Variants in RRAS2 observed in about 807,000 individuals in gnomAD.
RRAS2 encodes the protein RAS related 2, also known as ras-related protein R-Ras2.
A neutral mutation model predicts 27.6 loss-of-function variants in RRAS2; 7 were observed. The observed-to-expected ratio is 0.25, with a 90% confidence interval of 0.14 to 0.48. RRAS2 has a LOEUF of 0.48. Ranked by LOEUF, RRAS2 falls within the 20% of genes least tolerant of loss-of-function variation. The pLI, the probability that RRAS2 is intolerant of heterozygous loss-of-function variation, is 0.99. For missense variants in RRAS2, 178 were observed against 256.2 expected (o/e 0.69, Z 2.08); for synonymous variants, 86 against 90.9 (o/e 0.95, Z 0.31).
At chr11:14,287,744 G>T (rs1438497319) in intron 4 of RRAS2, among the ~76,000 whole-genome samples, 6 of 151,654 alleles carry the variant, frequency 4.0e-5, no homozygotes, top group Non-Finnish European at 8.8e-5. Flanking sequence ...TGATGGCACG[G>T]GCCTGTAATC....
intron 1 of RRAS2, among the ~76,000 whole-genome samples, chr11:14,324,504 T>A (rs1010106364): frequency 3.3e-4 from 50 of 152,060 alleles, no homozygotes; most frequent in African/African-American, 9.9e-4. Flanking sequence ...AAGGTATCAG[T>A]GCTCCCTTAA....
chr11:14,360,825 G>A (rs1257783145), upstream of RRAS2, among the ~76,000 whole-genome samples: 2 of 152,068 alleles, frequency 1.3e-5, no homozygotes, highest in Non-Finnish European at 2.9e-5. Context: ...GGAGGCTGAG[G>A]TGGGAGGATC....
chr11:14,319,968 T>A (rs1848191167), intron 1 of RRAS2, among the ~76,000 whole-genome samples: 1 of 152,158 alleles, frequency 6.6e-6, no homozygotes, highest in Non-Finnish European at 1.5e-5. Context: ...ATGTTTAAAA[T>A]GAACTAATCA....
rs1206421792 is a variant in RRAS2 at position 14,358,982 on chromosome 11, G to C, written c.-112C>G. ...GGGCTGCGGGCGAGCGGCCGGGCTG[G>C]GGTCCCGGGTACCGGGAGGCGTCTG... On this transcript the variant is annotated 5_prime_UTR_variant, in exon 1 of 6. Coordinates refer to ENST00000256196, the MANE Select transcript of RRAS2 (RefSeq NM_012250.6). This position sits in a 1 kb window ranked among gnomAD's most constrained non-coding sequence, Gnocchi z 5.1. 3 of 1,147,714 alleles carry C rather than the reference G, an allele frequency of 2.6e-6. No individual in the cohort carries two copies. The highest frequency in any genetic ancestry group is 3.2e-6 in the Non-Finnish European group (3 of 934,894). The allele number at this position is 1,147,714 out of a possible 1,614,324, so 71.1% of individuals were successfully genotyped here.
chr11:14,315,440 T>G (rs1347361112), intron 1 of RRAS2, among the ~76,000 whole-genome samples: 1 of 152,148 alleles, frequency 6.6e-6, no homozygotes, highest in Non-Finnish European at 1.5e-5. Flanking sequence ...TTCAAAATAG[T>G]TGGGTCATCA....
Position 14,358,751 on chromosome 11 carries a change from C to T in RRAS2, c.108+12G>A. On this transcript the variant is annotated intron_variant, in intron 1 of 5. Transcript: ENST00000256196. The surrounding 1 kb of genome is among the most constrained non-coding windows in gnomAD (Gnocchi z 5.1). ...GCCGCTCCGGCGCCCCGGGCAGGCCCGCTCCAGGTACCTGGATGAACTGGA... is the reference window on the plus strand; with the variant it reads ...GCCGCTCCGGCGCCCCGGGCAGGCCTGCTCCAGGTACCTGGATGAACTGGA... The T allele has an allele frequency of 7.2e-7, 1 of 1,394,154 alleles. No individual in the cohort carries two copies. 86.4% of individuals were successfully genotyped at this position (1,394,154 alleles called of 1,614,324 possible). A position where few individuals can be genotyped will look rare whatever the true frequency, so the allele number is the denominator to read the frequency against.
chr11:14,283,517 C>T (rs574270925), intron 4 of RRAS2, among the ~76,000 whole-genome samples: 30 of 152,186 alleles, frequency 2.0e-4, no homozygotes, highest in African/African-American at 5.3e-4. Context: ...TATAATTCAC[C>T]GGCAAATCTA....
intron 1 of RRAS2, among the ~76,000 whole-genome samples, chr11:14,329,097 A>G (rs960014480): frequency 1.4e-5 from 2 of 144,860 alleles, no homozygotes; most frequent in Admixed American, 6.8e-5. Flanking sequence ...ACACACACAC[A>G]CGCATATACA....
chr11:14,314,852 C>T (rs528668787), intron 1 of RRAS2, among the ~76,000 whole-genome samples: 2 of 152,194 alleles, frequency 1.3e-5, no homozygotes, highest in East Asian at 3.9e-4. Flanking sequence ...CTATGCCTGG[C>T]TAATTTTTGT....
rs1443405878 is a variant in RRAS2 at position 14,359,083 on chromosome 11, G to GGCACGGGCCAGGGGCGGCA, written c.-232_-214dup. The GGCACGGGCCAGGGGCGGCA allele has an allele frequency of 9.2e-7, 1 of 1,088,202 alleles. No homozygotes were observed. Among genetic ancestry groups the GGCACGGGCCAGGGGCGGCA allele is most frequent in the African/African-American group, 1.7e-5 (1 of 59,756 alleles). 67.4% of individuals were successfully genotyped at this position (1,088,202 alleles called of 1,614,324 possible). On this transcript the variant is annotated 5_prime_UTR_variant, in exon 1 of 6. Coordinates refer to ENST00000256196, the MANE Select transcript of RRAS2 (RefSeq NM_012250.6). ...CCGAGGCGCGGAGAAGCGGGGTGAC[G>GGCACGGGCCAGGGGCGGCA]GCACGGGCCAGGGGCGGCAGCGGCC...
chr11:14,317,440 T>A (rs1207626036), intron 1 of RRAS2, among the ~76,000 whole-genome samples: 5 of 151,702 alleles, frequency 3.3e-5, no homozygotes, highest in Non-Finnish European at 5.9e-5. Context: ...ATTAGCCAGG[T>A]GTGGTGGTGG....
chr11:14,281,750 C>T (rs782550512), intron 4 of RRAS2, 30 bp from the exon 5 acceptor site: 1 of 1,521,180 alleles, frequency 6.6e-7, no homozygotes, highest in South Asian at 1.2e-5. Context: ...GTTTATGGTA[C>T]ATTATTAACA....
At chr11:14,282,236 G>C (rs1270994198) in intron 4 of RRAS2, among the ~76,000 whole-genome samples, 12 of 152,180 alleles carry the variant, frequency 7.9e-5, no homozygotes, top group African/African-American at 2.9e-4. Flanking sequence ...AGCAAAGAGA[G>C]AAAATGGCAA....
At chr11:14,364,409 A>G (rs1849227682) in exon 1 of RRAS2, 1 of 1,536,008 alleles carries the variant, frequency 6.5e-7, no homozygotes, top group African/African-American at 1.4e-5. Context: ...ATGGAGGAGC[A>G]TCATCCACTT....
At chr11:14,317,523 T>C (rs143138888) in intron 1 of RRAS2, among the ~76,000 whole-genome samples, 2,200 of 152,260 alleles carry the variant, frequency 0.014, 51 homozygotes, top group African/African-American at 0.051. Flanking sequence ...GAGGTTGTAG[T>C]GAGCCAAGAC....
intron 1 of RRAS2, among the ~76,000 whole-genome samples, chr11:14,325,446 G>A (rs1554950872): frequency 6.6e-6 from 1 of 151,852 alleles, no homozygotes; most frequent in African/African-American, 2.4e-5. Context: ...TGGGACTACA[G>A]GCGCCTGCCA....
At chr11:14,301,677 T>C (rs1340153940) in intron 1 of RRAS2, among the ~76,000 whole-genome samples, 2 of 152,032 alleles carry the variant, frequency 1.3e-5, no homozygotes, top group East Asian at 3.9e-4. Flanking sequence ...ACTGATCCCA[T>C]CGAAAGTGAC....
chr11:14,315,650 T>C (rs782375722), intron 1 of RRAS2, among the ~76,000 whole-genome samples: 5 of 152,222 alleles, frequency 3.3e-5, no homozygotes, highest in Non-Finnish European at 7.3e-5. Flanking sequence ...GTGTTAACAA[T>C]AGAGGAACTA....
intron 1 of RRAS2, among the ~76,000 whole-genome samples, chr11:14,322,648 G>C (rs1275940948): frequency 6.6e-6 from 1 of 152,042 alleles, no homozygotes; most frequent in African/African-American, 2.4e-5. Context: ...GTATGTTATT[G>C]GCTAAATACA....
Sources: gnomAD v4.1 joint callset for allele counts (sites outside exome capture counted in the v4.1 genomes callset) on GRCh38, gnomAD v4.1.1 for gene constraint, Gnocchi (gnomAD v3.1) non-coding constraint, MANE v1.5 for transcripts, NCBI Gene and HGNC (gene_info 2026-07-23, HGNC 2026-07-21) for gene names.